The following NOLC1 variants were observed in gnomAD, a reference collection of about 807,000 sequenced individuals.
The protein encoded by NOLC1 is nucleolar and coiled-body phosphoprotein 1, also known as 140 kDa nucleolar phosphoprotein.
NOLC1 carries 37 observed loss-of-function variants against 73.4 expected under a neutral mutation model. The observed-to-expected ratio is 0.50, with a 90% CI of 0.39 to 0.66. The LOEUF (loss-of-function observed/expected upper bound fraction) is 0.66, where lower values mean the gene tolerates loss of function less well. Among genes scored for constraint, NOLC1 ranks in the 30% least tolerant of loss-of-function variants. NOLC1 has a pLI of 0.00. For synonymous variants in NOLC1, 327 were observed against 302.6 expected (o/e 1.08, Z -0.84); for missense variants, 921 against 838.9 (o/e 1.10, Z -1.21).
rs749486696 is a variant in NOLC1 at position 102,159,547 on chromosome 10, A to C, written c.838A>C (p.Lys280Gln). ...SSSDEEEEQK[K>Q]PMKNKPGPYS... The stretch of plus-strand genomic sequence containing the variant: ...CAGTGACGAGGAAGAGGAGCAAAAA[A>C]AACCCATGAAAAATAAACCAGGTGA... Residue 280 changes from lysine (K) to glutamine (Q), a missense_variant, in exon 7 of 13, where the codon AAA becomes CAA. Coordinates refer to ENST00000605788, the MANE Select transcript of NOLC1 (RefSeq NM_004741.5). 1.9e-6 allele frequency: 3 copies of C among 1,614,018 alleles called. No individual in the cohort carries two copies. The highest frequency in any genetic ancestry group is 2.5e-6 in the Non-Finnish European group (3 of 1,180,030).
At chr10:102,159,661 C>CT in intron 7 of NOLC1, 93 bp downstream of exon 7, 2 of 1,335,740 alleles carry the variant, frequency 1.5e-6, no homozygotes, top group South Asian at 2.9e-5. Context: ...CATGAGCGTC[C>CT]TCATGACATG....
At chr10:102,161,752 G>C in intron 11 of NOLC1, 81 bp from the exon 12 acceptor site, 10 of 1,522,520 alleles carry the variant, frequency 6.6e-6, no homozygotes, top group Non-Finnish European at 8.2e-6. Context: ...GCGTGACCTG[G>C]TACATGTGCC....
At chr10:102,156,603 A>T (rs184137881) in intron 1 of NOLC1, among the ~76,000 whole-genome samples, 1 of 151,022 alleles carries the variant, frequency 6.6e-6, no homozygotes, top group East Asian at 2.0e-4. Flanking sequence ...ATGCTGGGCT[A>T]ATTTTTGTTT....
intron 1 of NOLC1, among the ~76,000 whole-genome samples, chr10:102,156,317 G>T (rs534502519): frequency 2.0e-5 from 3 of 152,262 alleles, no homozygotes; most frequent in Admixed American, 2.0e-4. Context: ...TTGCTATGTT[G>T]CTTAGGCTGG....
At chr10:102,157,156 T>G in intron 2 of NOLC1, 33 bp from the exon 3 acceptor site, 3 of 1,613,864 alleles carry the variant, frequency 1.9e-6, no homozygotes, top group South Asian at 2.2e-5. Flanking sequence ...AAGATTCCAG[T>G]CCCCTAGAAA....
chr10:102,157,396 G>A (rs1398660898), intron 3 of NOLC1, 35 bp from the exon 4 acceptor site: 3 of 1,613,880 alleles, frequency 1.9e-6, no homozygotes, highest in South Asian at 1.1e-5. Flanking sequence ...TGTTTCACAT[G>A]GCTGATTCTT....
chr10:102,162,184 A>G lies in NOLC1; in HGVS notation c.2015A>G (p.His672Arg). ...TTCACCAAAGGCAAGTCCTTTCGGC[A>G]TGAGAAAACCAAGAAGAAGCGGGGC... ...LKFTKGKSFR[H>R]EKTKKKRGSY... The change falls in exon 13 of 13, where the codon CAT becomes CGT. Residue 672 changes from histidine to arginine, a missense_variant. By Grantham distance (29) the His-to-Arg change is conservative (BLOSUM62 0). Transcript: ENST00000605788. 6.2e-7 allele frequency: 1 copy of G among 1,614,152 alleles called. No individual in the cohort carries two copies. Among genetic ancestry groups the G allele is most frequent in the Non-Finnish European group, 8.5e-7 (1 of 1,180,048 alleles).
chr10:102,152,549 G>A lies in NOLC1; in HGVS notation c.120+19G>A. The A allele has an allele frequency of 6.2e-7, 1 of 1,613,080 alleles. No homozygotes were observed. Among genetic ancestry groups the A allele is most frequent in the Non-Finnish European group, 8.5e-7 (1 of 1,179,998 alleles). ...AGGAGCTGTGAGTTCCGGGCTTGGGGCGGGGACCGGGCTGAGATGACCACA... is the reference window on the plus strand; with the variant it reads ...AGGAGCTGTGAGTTCCGGGCTTGGGACGGGGACCGGGCTGAGATGACCACA... On this transcript the variant is annotated intron_variant, in intron 1 of 12. Coordinates refer to ENST00000605788, the MANE Select transcript of NOLC1 (RefSeq NM_004741.5).
In NOLC1 at chr10:102,159,501, T is replaced by C; in HGVS notation, c.792T>C (p.Ser264=). The C allele has an allele frequency of 1.2e-6, 2 of 1,613,430 alleles. No individual in the cohort carries two copies. Among genetic ancestry groups the C allele is most frequent in the Non-Finnish European group, 8.5e-7 (1 of 1,179,868 alleles). ...VKAATTPTRK[S]SSSEDSSSDE... is the part of the protein sequence containing the mutation. The stretch of plus-strand genomic sequence containing the variant: ...CAGCTACCACCCCTACCCGGAAGAG[T>C]TCTAGCAGTGAGGATTCCTCCAGTG... Residue 264 remains serine (S), a synonymous_variant, in exon 7 of 13, where the codon AGT becomes AGC. Transcript: ENST00000605788.
intron 5 of NOLC1, among the ~76,000 whole-genome samples, 155 bp downstream of exon 5, chr10:102,158,369 A>C (rs1031317766): frequency 2.0e-5 from 3 of 151,372 alleles, no homozygotes; most frequent in Admixed American, 2.0e-4. Flanking sequence ...TTTACTAATA[A>C]ATAACAAGAT....
rs2069654085 is a variant in NOLC1 at position 102,159,188 on chromosome 10, TC to T, written c.608-3del. ...CTTACTCTTTCTTTTTCTTGGGTAT[TC>T]CAGCTCGAGCAGCACCTAAAATAGC... On this transcript the variant is annotated splice_region_variant and splice_polypyrimidine_tract_variant and intron_variant, in intron 5 of 12. Coordinates refer to ENST00000605788, the MANE Select transcript of NOLC1 (RefSeq NM_004741.5). 1 of 1,613,576 alleles carries T rather than the reference TC, an allele frequency of 6.2e-7. No individual in the cohort carries two copies. The highest frequency in any genetic ancestry group is 1.3e-5 in the African/African-American group (1 of 74,798).
In NOLC1 at chr10:102,157,228, A is replaced by T. The variant is rs199809715; in HGVS notation, c.216A>T (p.Gly72=). The T allele has an allele frequency of 3.2e-5, 52 of 1,614,196 alleles. No individual in the cohort carries two copies. In the Admixed American group the frequency reaches 8.3e-4, roughly 26 times the overall value. The change falls in exon 3 of 13, where the codon GGA becomes GGT. Residue 72 remains glycine, a synonymous_variant. Coordinates refer to ENST00000605788, the MANE Select transcript of NOLC1 (RefSeq NM_004741.5). ...CAGAGCGAAAGTTACAGGCAAATGG[A>T]CCAGTGGCTAAGAAAGCTAAGAAGA... ...KVPERKLQAN[G]PVAKKAKKKA... is the part of the protein sequence containing the mutation.
chr10:102,159,409 TAATC>T lies in NOLC1; in HGVS notation c.724-20_724-17del. The T allele has an allele frequency of 1.2e-6, 2 of 1,613,848 alleles. No individual in the cohort carries two copies. Among genetic ancestry groups the T allele is most frequent in the Non-Finnish European group, 1.7e-6 (2 of 1,179,874 alleles). ...TGGTTGGGTCAGCATTTTCCTGTGGTAATCAATTTTCTTTCTAATGCAGACTGTA... is the reference window on the plus strand; with the variant it reads ...TGGTTGGGTCAGCATTTTCCTGTGGTAATTTTCTTTCTAATGCAGACTGTA... On this transcript the variant is annotated intron_variant, in intron 6 of 12. Coordinates refer to ENST00000605788, the MANE Select transcript of NOLC1 (RefSeq NM_004741.5).
In NOLC1 at chr10:102,162,273, G is replaced by A. The variant is rs760185605; in HGVS notation, c.*4G>A. The stretch of plus-strand genomic sequence containing the variant: ...TATTAAGTTTGACAGCGAGTGACCT[G>A]AGGCCATCTTCGGTGAAGCAAGGGT... On this transcript the variant is annotated 3_prime_UTR_variant, in exon 13 of 13. Transcript: ENST00000605788. 7 of 1,613,178 alleles carry A rather than the reference G, an allele frequency of 4.3e-6. No homozygotes were observed. Among genetic ancestry groups the A allele is most frequent in the Non-Finnish European group, 1.7e-6 (2 of 1,179,488 alleles).
intron 12 of NOLC1, 49 bp from the exon 13 acceptor site, chr10:102,162,062 G>C: frequency 6.2e-7 from 1 of 1,606,328 alleles, no homozygotes; most frequent in South Asian, 1.1e-5. Context: ...AAAGTGACAG[G>C]GCTCCAGCAT....
chr10:102,160,892 G>T lies in NOLC1; in HGVS notation c.1540G>T (p.Ala514Ser), dbSNP rs1306654030. 5 of 1,614,068 alleles carry T rather than the reference G, an allele frequency of 3.1e-6. No homozygotes were observed. The South Asian group carries it at 4.4e-5, about 14-fold the overall frequency. The stretch of plus-strand genomic sequence containing the variant: ...GCCAGCCTCTGCAAAGAAAGGAAAG[G>T]CTGAGAGCAGCAACAGTTCTTCTTC... The part of the protein sequence containing the change: ...SKPASAKKGK[A>S]ESSNSSSSDD... The change falls in exon 10 of 13, where the codon GCT (alanine) becomes TCT (serine). Residue 514 changes from alanine (A) to serine (S), a missense_variant. Physicochemically the swap from Ala to Ser is moderately conservative, Grantham distance 99 (BLOSUM62 1). Transcript: ENST00000605788.
chr10:102,152,657 C>G, intron 1 of NOLC1, 127 bp downstream of exon 1: 1 of 1,349,884 alleles, frequency 7.4e-7, no homozygotes, highest in Non-Finnish European at 1.0e-6. Context: ...GGCCTTTACG[C>G]CGACCCCTCG....
At chr10:102,158,759 G>T (rs1335923042) in intron 5 of NOLC1, among the ~76,000 whole-genome samples, 1 of 152,114 alleles carries the variant, frequency 6.6e-6, no homozygotes. Context: ...GGTAAACCAT[G>T]GCTGGCATTC....
intron 7 of NOLC1, 58 bp from the exon 8 acceptor site, chr10:102,159,838 A>T: frequency 7.0e-7 from 1 of 1,430,806 alleles, no homozygotes. Flanking sequence ...ACAAGAAAGT[A>T]GTATCAAAAA....
Sources: gnomAD v4.1 joint callset for allele counts (sites outside exome capture counted in the v4.1 genomes callset) on GRCh38, gnomAD v4.1.1 for gene constraint, MANE v1.5 for transcripts, NCBI Gene and HGNC (gene_info 2026-07-23, HGNC 2026-07-21) for gene names.